The following CFAP299 variants were observed in gnomAD, a reference collection of about 807,000 sequenced individuals.
CFAP299 encodes the protein cilia and flagella associated protein 299, also known as cilia- and flagella-associated protein 299.
Under a neutral mutation model 27.0 loss-of-function variants are expected in CFAP299, and 21 were observed. The observed-to-expected ratio is 0.78, with a 90% confidence interval of 0.55 to 1.12. The LOEUF is 1.12. Among genes scored for constraint, CFAP299 ranks in the 50% most tolerant of loss-of-function variants. The pLI is 0.00. For missense variants in CFAP299, 310 were observed against 276.6 expected (o/e 1.12, Z -0.86); for synonymous variants, 104 against 98.1 (o/e 1.06, Z -0.36).
At chr4:80,463,268 GCAAA>G (rs1423937896) in intron 2 of CFAP299, among the ~76,000 whole-genome samples, 3 of 151,784 alleles carry the variant, frequency 2.0e-5, no homozygotes, top group African/African-American at 7.3e-5. Context: ...ATCACCTATA[GCAAA>G]TGGCTATTTT....
chr4:80,799,876 T>TA (rs1728274477), intron 3 of CFAP299, among the ~76,000 whole-genome samples: 1 of 33,894 alleles, frequency 3.0e-5, no homozygotes, highest in African/African-American at 1.4e-4. Flanking sequence ...ATATATATTA[T>TA]ATTATATAAT....
the CFAP299 span, among the ~76,000 whole-genome samples, chr4:80,321,688 A>G: frequency 1.3e-5 from 2 of 152,218 alleles, no homozygotes; most frequent in Non-Finnish European, 2.9e-5. Context: ...TTGCGTTTTC[A>G]ACATATCTTA....
chr4:80,448,233 G>A (rs1728738079), intron 2 of CFAP299, among the ~76,000 whole-genome samples: 1 of 152,172 alleles, frequency 6.6e-6, no homozygotes, highest in Non-Finnish European at 1.5e-5. Context: ...GTTGTGTCTG[G>A]TGTTGAAAAT....
At chr4:80,391,399 A>C (rs956233728) in intron 2 of CFAP299, among the ~76,000 whole-genome samples, 1 of 152,176 alleles carries the variant, frequency 6.6e-6, no homozygotes, top group South Asian at 2.1e-4. Context: ...TGTCTTTTTG[A>C]TAATCGCCAT....
At chr4:80,408,473 A>C (rs1297167486) in intron 2 of CFAP299, among the ~76,000 whole-genome samples, 1 of 151,958 alleles carries the variant, frequency 6.6e-6, no homozygotes, top group African/African-American at 2.4e-5. Flanking sequence ...CCTTTTTAAA[A>C]ATCTATTATT....
intron 3 of CFAP299, among the ~76,000 whole-genome samples, chr4:80,639,498 T>C (rs1278994460): frequency 6.6e-6 from 1 of 152,134 alleles, no homozygotes; most frequent in Non-Finnish European, 1.5e-5. Context: ...TCTAAAATTA[T>C]TGACAGTTTT....
chr4:80,849,965 A>T (rs961498226), intron 3 of CFAP299, among the ~76,000 whole-genome samples: 1 of 152,202 alleles, frequency 6.6e-6, no homozygotes, highest in African/African-American at 2.4e-5. Flanking sequence ...ATATTGAAAT[A>T]TCACACAGTA....
the CFAP299 span, among the ~76,000 whole-genome samples, chr4:80,326,210 C>T: frequency 3.0e-4 from 46 of 152,076 alleles, 1 homozygote; most frequent in Admixed American, 2.8e-3. Flanking sequence ...TGTATCCTTG[C>T]ATTTATTTTT....
At chr4:80,377,663 T>C (rs1187678460) in intron 2 of CFAP299, among the ~76,000 whole-genome samples, 1 of 152,202 alleles carries the variant, frequency 6.6e-6, no homozygotes. Context: ...GCTGGGATTT[T>C]GCTAAAATAG....
chr4:80,458,056 T>C (rs898839245), intron 2 of CFAP299, among the ~76,000 whole-genome samples: 19 of 152,174 alleles, frequency 1.2e-4, no homozygotes, highest in Non-Finnish European at 2.8e-4. Flanking sequence ...CACCATTTTT[T>C]TGATTCTCAC....
intron 2 of CFAP299, among the ~76,000 whole-genome samples, chr4:80,571,240 A>G (rs1352180494): frequency 6.6e-6 from 1 of 152,134 alleles, no homozygotes; most frequent in South Asian, 2.1e-4. Context: ...TCTTATGAGT[A>G]TATTATTTTA....
Position 80,714,194 on chromosome 4 carries a change from G to C in CFAP299, c.333+131011G>C, listed in dbSNP as rs575601646. On this transcript the variant is annotated intron_variant, in intron 3 of 5. Coordinates refer to ENST00000358105, the MANE Select transcript of CFAP299 (RefSeq NM_152770.3). ...TGACTTTATAGATCCTCCTCCTAGA[G>C]GATATTTTTATATGAAGTGTGGGCT... Among the ~76,000 whole-genome samples, 89 of 152,178 alleles carry C rather than the reference G, an allele frequency of 5.8e-4. 1 individual carries two copies. Among genetic ancestry groups the C allele is most frequent in the African/African-American group, 2.0e-3 (82 of 41,534 alleles).
chr4:80,335,955 G>T, intron 1 of CFAP299, 76 bp downstream of exon 1: 2 of 937,056 alleles, frequency 2.1e-6, no homozygotes, highest in Non-Finnish European at 3.5e-6. Flanking sequence ...TTCGTGGGCT[G>T]GTCGCCCCCT....
intron 3 of CFAP299, among the ~76,000 whole-genome samples, chr4:80,730,945 T>A (rs985796476): frequency 6.6e-6 from 1 of 152,198 alleles, no homozygotes; most frequent in Non-Finnish European, 1.5e-5. Context: ...ATTTAGTCCA[T>A]CCTCTGAGAA....
chr4:80,674,213 C>T (rs1487906585), intron 3 of CFAP299, among the ~76,000 whole-genome samples: 1 of 152,060 alleles, frequency 6.6e-6, no homozygotes, highest in Non-Finnish European at 1.5e-5. Flanking sequence ...TTAGGGCAGG[C>T]CTGGTGGTGA....
chr4:80,669,131 GTCTTTCTTTCTT>G (rs765634015), intron 3 of CFAP299, among the ~76,000 whole-genome samples: 1 of 46,174 alleles, frequency 2.2e-5, no homozygotes, highest in Non-Finnish European at 3.5e-5. Flanking sequence ...TTTCTTTTCT[GTCTTTCTTTCTT>G]TCTTTCTTTT....
intron 2 of CFAP299, among the ~76,000 whole-genome samples, chr4:80,543,257 G>A (rs1011460685): frequency 1.3e-5 from 2 of 152,210 alleles, no homozygotes; most frequent in Non-Finnish European, 2.9e-5. Context: ...CCTCATAGGT[G>A]AGAAAGAACT....
At chr4:80,396,958 C>A (rs1188062721) in intron 2 of CFAP299, among the ~76,000 whole-genome samples, 2 of 152,150 alleles carry the variant, frequency 1.3e-5, no homozygotes, top group Non-Finnish European at 2.9e-5. Flanking sequence ...AGGAATGATA[C>A]CAGCTCCTCC....
chr4:80,737,948 A>C (rs1724012173), intron 3 of CFAP299, among the ~76,000 whole-genome samples: 1 of 152,048 alleles, frequency 6.6e-6, no homozygotes, highest in African/African-American at 2.4e-5. Context: ...CTTGTTTCCA[A>C]AAATTTATTG....
Sources: allele counts gnomAD v4.1 joint callset (sites outside exome capture counted in the v4.1 genomes callset), GRCh38; gene constraint gnomAD v4.1.1; transcripts MANE v1.5; gene names NCBI Gene and HGNC (gene_info 2026-07-23, HGNC 2026-07-21).